The following LRR1 variants were observed in gnomAD, a reference collection of about 807,000 sequenced individuals.
LRR1 encodes the protein leucine rich repeat protein 1.
LRR1 carries 29 observed loss-of-function variants against 31.6 expected under a neutral mutation model. That is an observed-to-expected ratio of 0.92 (90% CI 0.68 to 1.25). LRR1 has a LOEUF of 1.25. LRR1 is among the 50% of genes most tolerant of loss of function. The pLI, the probability that LRR1 is intolerant of heterozygous loss-of-function variation, is 0.00. For synonymous variants in LRR1, 179 were observed against 181.4 expected, an observed-to-expected ratio of 0.99 and a Z score of 0.10; for missense variants, 485 against 487.2, an observed-to-expected ratio of 1.00 and a Z score of 0.04.
chr14:49,603,645 T>C, intron 2 of LRR1: 1 of 1,048,984 alleles, frequency 9.5e-7, no homozygotes, highest in Non-Finnish European at 1.2e-6. Context: ...CTGGCGAATT[T>C]TTGTCTACTG....
chr14:49,602,153 T>C (rs1882084549), intron 1 of LRR1, among the ~76,000 whole-genome samples: 1 of 145,428 alleles, frequency 6.9e-6, no homozygotes, highest in African/African-American at 2.5e-5. Flanking sequence ...TTTTTTTTTT[T>C]TTTTTTTTTT....
chr14:49,606,487 C>T lies in LRR1; in HGVS notation c.283-913C>T, dbSNP rs137993508. 9.7e-3 allele frequency among the ~76,000 whole-genome samples: 1,472 copies of T among 151,264 alleles called. 22 individuals carry two copies. Among genetic ancestry groups the T allele is most frequent in the African/African-American group, 0.034 (1,400 of 41,138 alleles). On this transcript the variant is annotated intron_variant, in intron 2 of 3. Transcript: ENST00000298288. ...CTGACTAGCTGGGATTACAGGCATG[C>T]GCCACATTGCCCAGCTAATTTTTGT...
At chr14:49,612,463 T>C in intron 3 of LRR1, 1 of 1,221,518 alleles carries the variant, frequency 8.2e-7, no homozygotes, top group Non-Finnish European at 1.0e-6. Flanking sequence ...GTCTGTTTCC[T>C]CAATCTAGAA....
chr14:49,607,719 A>C lies in LRR1; in HGVS notation c.602A>C (p.His201Pro), dbSNP rs1882340337. 1 of 1,612,468 alleles carries C rather than the reference A, an allele frequency of 6.2e-7. No homozygotes were observed. The highest frequency in any genetic ancestry group is 1.3e-5 in the African/African-American group (1 of 74,920). Residue 201 changes from histidine (H) to proline (P), a missense_variant, in exon 3 of 4, where the codon CAC becomes CCC. By Grantham distance (77) the His-to-Pro change is moderately conservative. This residue lies in a region of LRR1 where 260 missense variants were observed against 249.6 expected (regional missense o/e 1.04). Coordinates refer to ENST00000298288, the MANE Select transcript of LRR1 (RefSeq NM_152329.4). ...KLPATIGDLI[H>P]LQELNLNDNH... ...CCAGCTACAATTGGAGACCTCATAC[A>C]CCTTCAAGAACTTAACCTGAATGAC... is the stretch of plus-strand genomic sequence containing the variant.
At position 49,600,209 on chromosome 14, in the gene LRR1, T is replaced by C. The variant is rs1038684428; in HGVS notation, c.183+1006T>C. On this transcript the variant is annotated intron_variant, in intron 1 of 3. Transcript: ENST00000298288. ...CCGCCGGACAGGAAGACTATGACCA[T>C]CTGAGGCCTTTATCTTACCCAATGA... The C allele has an allele frequency of 2.7e-6, 4 of 1,478,824 alleles. No individual in the cohort carries two copies. The African/African-American group carries it at 4.2e-5, about 15-fold the overall frequency. 91.6% of individuals were successfully genotyped at this position (1,478,824 alleles called of 1,614,324 possible).
chr14:49,602,535 C>G, intron 2 of LRR1, 67 bp downstream of exon 2: 1 of 1,330,910 alleles, frequency 7.5e-7, no homozygotes, highest in Non-Finnish European at 1.1e-6. Context: ...GAAACAGAGT[C>G]TTGTTCTGTC....
At chr14:49,599,438 A>G (rs1594582123) in intron 1 of LRR1, among the ~76,000 whole-genome samples, 1 of 152,000 alleles carries the variant, frequency 6.6e-6, no homozygotes, top group African/African-American at 2.4e-5. Flanking sequence ...TTTCCTCCCC[A>G]CTTTTACGAC....
intron 1 of LRR1, chr14:49,600,169 T>C: frequency 6.8e-7 from 1 of 1,478,478 alleles, no homozygotes; most frequent in South Asian, 1.1e-5. Flanking sequence ...CAGTACCTCC[T>C]AGGACTCTAT....
chr14:49,601,770 G>A, intron 1 of LRR1: 2 of 756,188 alleles, frequency 2.6e-6, no homozygotes. Flanking sequence ...AGACAGAGCA[G>A]TAACATCCAC....
chr14:49,608,899 C>CTTTT lies in LRR1; in HGVS notation c.1004+802_1004+805dup, dbSNP rs34457930. Among the ~76,000 whole-genome samples, 326 of 71,604 alleles carry CTTTT rather than the reference C, an allele frequency of 4.6e-3. 31 individuals are homozygous for CTTTT. The highest frequency in any genetic ancestry group is 0.019 in the African/African-American group (310 of 16,694). The allele number at this position is 71,604 out of a possible 152,430, so 47.0% of individuals were successfully genotyped here. On this transcript the variant is annotated intron_variant, in intron 3 of 3. Transcript: ENST00000298288. ...TCACCACTTTGTATGACTTTAACCT[C>CTTTT]TTTTTTTTTTTTTTTTTTTTTTTTT...
chr14:49,605,076 G>C (rs1457354257), intron 2 of LRR1, among the ~76,000 whole-genome samples: 5 of 151,930 alleles, frequency 3.3e-5, no homozygotes, highest in Admixed American at 2.0e-4. Context: ...TTTTGTACTG[G>C]TAGAGACAGG....
intron 3 of LRR1, chr14:49,612,689 C>G: frequency 1.0e-6 from 1 of 982,006 alleles, no homozygotes; most frequent in African/African-American, 1.7e-5. Flanking sequence ...GTTTTAAACT[C>G]TCATTTTAAG....
intron 3 of LRR1, among the ~76,000 whole-genome samples, chr14:49,611,031 A>G (rs578148115): frequency 1.2e-4 from 18 of 152,326 alleles, no homozygotes; most frequent in Admixed American, 2.6e-4. Context: ...AACTGTACAC[A>G]TGAGTACACA....
At chr14:49,608,594 C>G (rs1421000205) in intron 3 of LRR1, among the ~76,000 whole-genome samples, 1 of 151,376 alleles carries the variant, frequency 6.6e-6, no homozygotes, top group African/African-American at 2.4e-5. Flanking sequence ...CCATGTATAC[C>G]CTGCTCCTAG....
chr14:49,604,191 G>A (rs1882200659), intron 2 of LRR1, among the ~76,000 whole-genome samples: 1 of 151,648 alleles, frequency 6.6e-6, no homozygotes, highest in Non-Finnish European at 1.5e-5. Flanking sequence ...TGTGGTGCCA[G>A]CTACTTGGGA....
chr14:49,601,761 G>C, intron 1 of LRR1: 2 of 1,015,736 alleles, frequency 2.0e-6, no homozygotes, highest in South Asian at 1.3e-5. Flanking sequence ...TTACTGGACA[G>C]ACAGAGCAGT....
At chr14:49,604,643 G>C (rs551602091) in intron 2 of LRR1, among the ~76,000 whole-genome samples, 1 of 151,028 alleles carries the variant, frequency 6.6e-6, no homozygotes, top group South Asian at 2.1e-4. Context: ...AGTGAACTGT[G>C]ATTGCAGCCA....
At chr14:49,599,280 G>A in intron 1 of LRR1, 77 bp downstream of exon 1, 1 of 1,435,038 alleles carries the variant, frequency 7.0e-7, no homozygotes, top group Non-Finnish European at 9.2e-7. Flanking sequence ...CGGTCCTCAT[G>A]CTCCCGGCTG....
rs749817002 is a variant in LRR1 at position 49,607,910 on chromosome 14, C to A, written c.793C>A (p.Pro265Thr). The change falls in exon 3 of 4, where the codon CCT (proline) becomes ACT (threonine). Residue 265 changes from proline to threonine, a missense_variant. Transcript: ENST00000298288. ...TGACGATAATGAATTGATTCAATTT[C>A]CTTGCAAGATAGGACAACTAATAAA... ...KLDDNELIQF[P>T]CKIGQLINLR... 3 of 1,613,162 alleles carry A rather than the reference C, an allele frequency of 1.9e-6. No homozygotes were observed.
Sources: gnomAD v4.1 joint callset for allele counts (sites outside exome capture counted in the v4.1 genomes callset) on GRCh38, gnomAD v4.1.1 for gene constraint, gnomAD v4.1.1 regional missense constraint, MANE v1.5 for transcripts, NCBI Gene and HGNC (gene_info 2026-07-23, HGNC 2026-07-21) for gene names.